NXPH1: variants seen among roughly 807,000 people sequenced by gnomAD.
The protein encoded by NXPH1 is neurexophilin-1.
In NXPH1, 5 loss-of-function variants were observed where a neutral mutation model predicts 23.7. The observed-to-expected ratio is 0.21, with a 90% CI of 0.11 to 0.44. The LOEUF (loss-of-function observed/expected upper bound fraction) is 0.44, where lower values mean the gene tolerates loss of function less well. Ranked by LOEUF, NXPH1 falls within the 20% of genes least tolerant of loss-of-function variation. The probability of loss-of-function intolerance (pLI) is 0.99; values close to 1 mark genes in which losing one functional copy is unlikely to be tolerated. For synonymous variants in NXPH1, 144 were observed against 122.2 expected, an observed-to-expected ratio of 1.18 and a Z score of -1.18; for missense variants, 324 against 321.6, an observed-to-expected ratio of 1.01 and a Z score of -0.06.
At chr7:8,519,479 A>G (rs1008855860) in intron 2 of NXPH1, among the ~76,000 whole-genome samples, 1 of 152,222 alleles carries the variant, frequency 6.6e-6, no homozygotes, top group African/African-American at 2.4e-5. Flanking sequence ...GAACACATTT[A>G]AACTGAAGAT....
intron 2 of NXPH1, among the ~76,000 whole-genome samples, chr7:8,746,877 T>C (rs2115232880): frequency 6.6e-6 from 1 of 150,642 alleles, no homozygotes; most frequent in Non-Finnish European, 1.5e-5. Flanking sequence ...TTTTTTTTAA[T>C]TGTTTGCTTT....
chr7:8,679,867 A>G (rs1032787589), intron 2 of NXPH1, among the ~76,000 whole-genome samples: 1 of 152,240 alleles, frequency 6.6e-6, no homozygotes, highest in Non-Finnish European at 1.5e-5. Flanking sequence ...CTAAAAATAC[A>G]AAAATTAGCC....
intron 2 of NXPH1, among the ~76,000 whole-genome samples, chr7:8,679,724 C>A (rs1821021806): frequency 6.6e-6 from 1 of 152,110 alleles, no homozygotes; most frequent in Non-Finnish European, 1.5e-5. Context: ...GCACTCTCTT[C>A]ATTAAGATTT....
In NXPH1 at chr7:8,542,887, T is replaced by C. The variant is rs556543618; in HGVS notation, c.54+107120T>C. Among the ~76,000 whole-genome samples, 4 of 151,716 alleles carry C rather than the reference T, an allele frequency of 2.6e-5. No individual in the cohort carries two copies. The South Asian group carries it at 8.3e-4, about 31-fold the overall frequency. On this transcript the variant is annotated intron_variant, in intron 2 of 2. Coordinates refer to ENST00000405863, the MANE Select transcript of NXPH1 (RefSeq NM_152745.3). ...AAGACTTATTCAACAAATATACATG[T>C]ACTTTGGATAAATGGAAGGAATTAG... is the stretch of plus-strand genomic sequence containing the variant.
At chr7:8,625,409 C>A (rs1258324860) in intron 2 of NXPH1, among the ~76,000 whole-genome samples, 1 of 152,112 alleles carries the variant, frequency 6.6e-6, no homozygotes, top group Non-Finnish European at 1.5e-5. Flanking sequence ...TTTCTACATC[C>A]TATTAGTTCC....
chr7:8,708,348 T>C lies in NXPH1; in HGVS notation c.55-42660T>C, dbSNP rs574930513. Among the ~76,000 whole-genome samples the C allele has an allele frequency of 2.6e-5, 4 of 152,248 alleles. No individual in the cohort carries two copies. The South Asian group carries it at 6.2e-4, about 24-fold the overall frequency. ...ACCTAGAATGCATGTTTTTCTTTTC[T>C]TTTTTATTTTTTTAAATTTTTTTGG... On this transcript the variant is annotated intron_variant, in intron 2 of 2. Transcript: ENST00000405863.
intron 2 of NXPH1, among the ~76,000 whole-genome samples, chr7:8,689,020 T>G (rs796257392): frequency 3.1e-4 from 47 of 152,300 alleles, no homozygotes; most frequent in African/African-American, 1.1e-3. Context: ...ACCAAATTCA[T>G]AGTAGTCTCT....
chr7:8,686,377 T>C (rs1022192472), intron 2 of NXPH1, among the ~76,000 whole-genome samples: 3 of 152,168 alleles, frequency 2.0e-5, no homozygotes, highest in Admixed American at 6.5e-5. Context: ...AAATTAGATT[T>C]GTACTCTTCA....
intron 2 of NXPH1, among the ~76,000 whole-genome samples, chr7:8,729,264 AT>A (rs1780109273): frequency 6.8e-6 from 1 of 147,336 alleles, no homozygotes; most frequent in Admixed American, 6.8e-5. Context: ...CGGTCTATCA[AT>A]TTTGTTGATC....
intron 2 of NXPH1, among the ~76,000 whole-genome samples, chr7:8,632,023 A>T (rs1820139902): frequency 6.6e-6 from 1 of 152,196 alleles, no homozygotes; most frequent in South Asian, 2.1e-4. Context: ...TGTGCCTGAG[A>T]TAGCTAAAAT....
rs116214355 is a variant in NXPH1, at chr7:8,657,399, G to A, written c.55-93609G>A. Among the ~76,000 whole-genome samples, 314 of 152,268 alleles carry A rather than the reference G, an allele frequency of 2.1e-3. 2 individuals are homozygous for A. The highest frequency in any genetic ancestry group is 7.0e-3 in the African/African-American group (291 of 41,560). ...CCTTAGGTTATTTTTGATAATTCCT[G>A]TATTCTTTTGAGCAGTGATTTGCAG... On this transcript the variant is annotated intron_variant, in intron 2 of 2. Transcript: ENST00000405863.
chr7:8,631,835 G>A (rs761632452), intron 2 of NXPH1, among the ~76,000 whole-genome samples: 36 of 152,134 alleles, frequency 2.4e-4, no homozygotes, highest in Non-Finnish European at 5.1e-4. Flanking sequence ...TTATACCTTA[G>A]AAGTGTTGTT....
chr7:8,712,428 G>A (rs1014939994), intron 2 of NXPH1, among the ~76,000 whole-genome samples: 1 of 152,168 alleles, frequency 6.6e-6, no homozygotes, highest in African/African-American at 2.4e-5. Context: ...TTTGACAAAT[G>A]AGTAGCTTAA....
At chr7:8,476,332 C>A (rs1816971148) in intron 2 of NXPH1, among the ~76,000 whole-genome samples, 1 of 152,088 alleles carries the variant, frequency 6.6e-6, no homozygotes, top group Non-Finnish European at 1.5e-5. Flanking sequence ...AAACACTTAA[C>A]CTACTTTTTC....
intron 2 of NXPH1, among the ~76,000 whole-genome samples, chr7:8,716,413 A>G (rs2214583): frequency 0.45 from 68,877 of 151,848 alleles, 16,417 homozygotes; most frequent in African/African-American, 0.61. Context: ...AACGGCACCA[A>G]TATTGTTTGC....
intron 2 of NXPH1, among the ~76,000 whole-genome samples, chr7:8,612,408 A>AG (rs1353671965): frequency 1.3e-5 from 2 of 151,892 alleles, no homozygotes; most frequent in Non-Finnish European, 2.9e-5. Flanking sequence ...TTTTGAGAAG[A>AG]GGAGATATAG....
At chr7:8,496,607 G>T (rs1161809787) in intron 2 of NXPH1, among the ~76,000 whole-genome samples, 1 of 151,994 alleles carries the variant, frequency 6.6e-6, no homozygotes, top group African/African-American at 2.4e-5. Context: ...CCCCAGACAG[G>T]CTACAGTAGC....
chr7:8,618,639 G>T (rs1410678419), intron 2 of NXPH1, among the ~76,000 whole-genome samples: 1 of 151,982 alleles, frequency 6.6e-6, no homozygotes, highest in Non-Finnish European at 1.5e-5. Flanking sequence ...TAGGAGAAGA[G>T]GTGGAAAAAA....
At chr7:8,520,397 G>A (rs1389878988) in intron 2 of NXPH1, among the ~76,000 whole-genome samples, 1 of 152,172 alleles carries the variant, frequency 6.6e-6, no homozygotes, top group African/African-American at 2.4e-5. Flanking sequence ...CTCCCTGCAG[G>A]AGGAGAAGCC....
Sources: gnomAD v4.1 joint callset for allele counts (sites outside exome capture counted in the v4.1 genomes callset) on GRCh38, gnomAD v4.1.1 for gene constraint, MANE v1.5 for transcripts, NCBI Gene and HGNC (gene_info 2026-07-23, HGNC 2026-07-21) for gene names.